The following PAX8 variants were observed in gnomAD, a reference collection of about 807,000 sequenced individuals.
PAX8 encodes the protein paired box protein Pax-8.
PAX8 carries 15 observed loss-of-function variants against 52.4 expected under a neutral mutation model. The observed-to-expected ratio is 0.29, with a 90% CI of 0.19 to 0.44. PAX8 has a LOEUF of 0.44. Ranked by LOEUF, PAX8 falls within the 20% of genes least tolerant of loss-of-function variation. The probability of loss-of-function intolerance (pLI) is 1.00; values close to 1 mark genes in which losing one functional copy is unlikely to be tolerated. For synonymous variants in PAX8, 284 were observed against 249.7 expected (o/e 1.14, Z -1.29); for missense variants, 554 against 602.5 (o/e 0.92, Z 0.84).
In PAX8 at chr2:113,220,082, A is replaced by G. The variant is rs1195693325; in HGVS notation, c.1276+10T>C. On this transcript the variant is annotated intron_variant, in intron 11 of 11. Coordinates refer to ENST00000429538, the MANE Select transcript of PAX8 (RefSeq NM_003466.4). ...GCCCAGCAGAGGCCTGGGCAGCCCC[A>G]GGGACTTACTCAGCAAGCTGGAGTT... is the stretch of plus-strand genomic sequence containing the variant. 2 of 1,609,442 alleles carry G rather than the reference A, an allele frequency of 1.2e-6. No individual in the cohort carries two copies. Among genetic ancestry groups the G allele is most frequent in the African/African-American group, 2.7e-5 (2 of 74,836 alleles).
chr2:113,240,906 A>G lies in PAX8; in HGVS notation c.777+645T>C, dbSNP rs554477867. The stretch of plus-strand genomic sequence containing the variant: ...TAGATTATTAAGTGACACTGTGAGA[A>G]GCTACTGAGAGCAGCATGTGGGACA... On this transcript the variant is annotated intron_variant, in intron 7 of 11. Transcript: ENST00000429538. 575 of 165,262 alleles carry G rather than the reference A, an allele frequency of 3.5e-3. 2 individuals are homozygous for G. Among genetic ancestry groups the G allele is most frequent in the Middle Eastern group, 9.6e-3 (3 of 314 alleles). The allele number at this position is 165,262 out of a possible 1,614,324, so 10.2% of individuals were successfully genotyped here. A position where few individuals can be genotyped will look rare whatever the true frequency, so the allele number is the denominator to read the frequency against.
chr2:113,241,845 G>T, intron 6 of PAX8, 119 bp from the exon 7 acceptor site: 2 of 1,455,876 alleles, frequency 1.4e-6, no homozygotes, highest in South Asian at 1.2e-5. Context: ...GGCCAGCCAC[G>T]TGGGCCCAGG....
chr2:113,246,723 GA>G, intron 3 of PAX8, 30 bp downstream of exon 3: 1 of 1,607,156 alleles, frequency 6.2e-7, no homozygotes, highest in African/African-American at 1.3e-5. Flanking sequence ...GCCCTGCGGG[GA>G]AGGCGGCCTG....
intron 8 of PAX8, chr2:113,235,848 C>A (rs940927558): frequency 4.1e-6 from 2 of 484,396 alleles, no homozygotes; most frequent in East Asian, 7.2e-5. Context: ...CAGGAGGGAG[C>A]GCGGAGACCC....
intron 10 of PAX8, among the ~76,000 whole-genome samples, chr2:113,223,575 G>A (rs1046198681): frequency 1.3e-5 from 2 of 152,278 alleles, no homozygotes; most frequent in East Asian, 1.9e-4. Flanking sequence ...TGCCCTTGCT[G>A]TTCTTTGGTC....
At chr2:113,250,050 G>A (rs1691644277) in intron 2 of PAX8, among the ~76,000 whole-genome samples, 1 of 151,976 alleles carries the variant, frequency 6.6e-6, no homozygotes, top group Non-Finnish European at 1.5e-5. Flanking sequence ...GGTGGATCAC[G>A]AGGTCAGGAG....
At chr2:113,255,800 G>C (rs978956400) in intron 2 of PAX8, among the ~76,000 whole-genome samples, 1 of 152,168 alleles carries the variant, frequency 6.6e-6, no homozygotes, top group East Asian at 1.9e-4. Flanking sequence ...TGATAGCTCT[G>C]TTGGGAAGAT....
intron 10 of PAX8, chr2:113,226,826 TC>T (rs1689607538): frequency 7.9e-7 from 1 of 1,264,650 alleles, no homozygotes; most frequent in Admixed American, 3.3e-5. Context: ...TAGAGTGCTC[TC>T]CATTTATGCT....
intron 9 of PAX8, among the ~76,000 whole-genome samples, chr2:113,231,481 T>G (rs1689884816): frequency 6.6e-6 from 1 of 152,252 alleles, no homozygotes; most frequent in Non-Finnish European, 1.5e-5. Flanking sequence ...ATAGTCACCT[T>G]GGAAATCACA....
At chr2:113,271,330 G>A (rs962465959) in intron 2 of PAX8, 1 of 152,202 alleles carries the variant, frequency 6.6e-6, no homozygotes, top group Non-Finnish European at 1.5e-5. Flanking sequence ...AGTTCCCCAG[G>A]GTCCTTCAAC....
At chr2:113,245,028 C>T (rs950456392) in intron 3 of PAX8, among the ~76,000 whole-genome samples, 2 of 150,604 alleles carry the variant, frequency 1.3e-5, no homozygotes, top group Admixed American at 6.7e-5. Context: ...GGCTAAAGCA[C>T]GACTGAGGTT....
chr2:113,242,192 ACT>A, intron 5 of PAX8, 62 bp from the exon 6 acceptor site: 3 of 1,492,944 alleles, frequency 2.0e-6, no homozygotes, highest in Non-Finnish European at 2.8e-6. Flanking sequence ...GCCCTGGGTG[ACT>A]CTGGGGTAGT....
At chr2:113,275,734 A>T (rs898405300) in intron 2 of PAX8, 17 of 152,274 alleles carry the variant, frequency 1.1e-4, no homozygotes, top group African/African-American at 3.1e-4. Flanking sequence ...GAATTTTTTT[A>T]AAAATGTTTT....
chr2:113,232,766 C>A (rs939020560), intron 9 of PAX8, among the ~76,000 whole-genome samples: 2 of 152,196 alleles, frequency 1.3e-5, no homozygotes, highest in Non-Finnish European at 2.9e-5. Context: ...TCCAGTTGCA[C>A]TTTACACTAC....
chr2:113,245,332 C>T (rs983212766), intron 3 of PAX8, among the ~76,000 whole-genome samples: 2 of 152,196 alleles, frequency 1.3e-5, no homozygotes, highest in Non-Finnish European at 2.9e-5. Context: ...AGGCATCAGC[C>T]ACCATGCCCA....
chr2:113,217,353 A>C lies in PAX8; in HGVS notation c.*1180T>G, dbSNP rs1689062523. ...TGCCTCCTTCCCCAGCCAACCCCAA[A>C]GCCTGAGATGAAGAGCAATGGTTTA... On this transcript the variant is annotated 3_prime_UTR_variant, in exon 12 of 12. Transcript: ENST00000429538. The C allele has an allele frequency of 4.4e-6, 1 of 225,266 alleles. No individual in the cohort carries two copies. Among genetic ancestry groups the C allele is most frequent in the Non-Finnish European group, 8.9e-6 (1 of 112,906 alleles). 14.0% of individuals were successfully genotyped at this position (225,266 alleles called of 1,614,324 possible).
rs753830360 is a variant in PAX8 at position 113,235,562 on chromosome 2, T to C, written c.919A>G (p.Ile307Val). Residue 307 changes from isoleucine to valine, a missense_variant, in exon 9 of 12, where the codon ATA becomes GTA. Ile to Val is a conservative substitution (Grantham distance 29). Coordinates refer to ENST00000429538, the MANE Select transcript of PAX8 (RefSeq NM_003466.4). The part of the protein sequence containing the change: ...VVADPHSPFA[I>V]KQETPEVSSS... Reference sequence around the variant, plus strand: ...GACACCTCGGGGGTTTCCTGCTTTATGGCGAAGGGTGAGTGAGGATCTGCC... The same window carrying C: ...GACACCTCGGGGGTTTCCTGCTTTACGGCGAAGGGTGAGTGAGGATCTGCC... The C allele has an allele frequency of 4.3e-6, 7 of 1,612,484 alleles. 1 individual carries two copies. Among genetic ancestry groups the C allele is most frequent in the South Asian group, 3.3e-5 (3 of 91,004 alleles).
intron 10 of PAX8, among the ~76,000 whole-genome samples, chr2:113,225,064 T>C: frequency 6.6e-6 from 1 of 152,226 alleles, no homozygotes; most frequent in Non-Finnish European, 1.5e-5. Flanking sequence ...AGTATGATTA[T>C]GACCCTGAGC....
chr2:113,236,895 T>C, intron 7 of PAX8, 174 bp from the exon 8 acceptor site: 1 of 719,960 alleles, frequency 1.4e-6, no homozygotes, highest in Non-Finnish European at 2.2e-6. Flanking sequence ...TTCATGCTCA[T>C]TGTCCTCCCG....
Sources: allele counts gnomAD v4.1 joint callset (sites outside exome capture counted in the v4.1 genomes callset), GRCh38; gene constraint gnomAD v4.1.1; transcripts MANE v1.5; gene names NCBI Gene and HGNC (gene_info 2026-07-23, HGNC 2026-07-21).